Variants in GLIS3 observed in about 807,000 individuals in gnomAD.
The protein encoded by GLIS3 is GLIS family zinc finger 3.
GLIS3 carries 53 observed loss-of-function variants against 78.6 expected under a neutral mutation model. The observed-to-expected ratio is 0.67, with a 90% confidence interval of 0.54 to 0.85. The LOEUF is 0.85. GLIS3 is among the 40% of genes least tolerant of loss of function. The pLI, the probability that GLIS3 is intolerant of heterozygous loss-of-function variation, is 0.00. For synonymous variants in GLIS3, 684 were observed against 509.9 expected (o/e 1.34, Z -4.60); for missense variants, 1,703 against 1,231.1 (o/e 1.38, Z -5.74).
At chr9:4,084,256 A>ACACACACACACAC (rs1828812518) in intron 4 of GLIS3, among the ~76,000 whole-genome samples, 3 of 132,120 alleles carry the variant, frequency 2.3e-5, no homozygotes, top group Non-Finnish European at 4.9e-5. Flanking sequence ...TCCTCTCTCT[A>ACACACACACACAC]ACACACACAC....
chr9:4,359,661 G>T, the GLIS3 span, among the ~76,000 whole-genome samples: 1 of 152,130 alleles, frequency 6.6e-6, no homozygotes, highest in Non-Finnish European at 1.5e-5. Flanking sequence ...TTTAATTTTA[G>T]AACTAAAATG....
At chr9:4,142,303 G>A (rs1366432972) in intron 2 of GLIS3, among the ~76,000 whole-genome samples, 2 of 152,212 alleles carry the variant, frequency 1.3e-5, no homozygotes, top group Non-Finnish European at 2.9e-5. Flanking sequence ...CAAGTTGATA[G>A]CTTATTCCCT....
rs1478236143 is a variant in GLIS3 at position 3,856,087 on chromosome 9, G to T, written c.2395C>A (p.Gln799Lys). 30 of 1,614,080 alleles carry T rather than the reference G, an allele frequency of 1.9e-5. No homozygotes were observed. The highest frequency in any genetic ancestry group is 2.5e-5 in the Non-Finnish European group (30 of 1,180,026). The change falls in exon 9 of 11, where the codon CAG becomes AAG. Residue 799 changes from glutamine to lysine, a missense_variant. Coordinates refer to ENST00000381971, the MANE Select transcript of GLIS3 (RefSeq NM_001042413.2). Reference sequence around the variant, plus strand: ...GACTTCAGGTGTGAACCTGATGGCTGCTGGGTATAGGGAGGCTGTGTTCTT... The same window carrying T: ...GACTTCAGGTGTGAACCTGATGGCTTCTGGGTATAGGGAGGCTGTGTTCTT... ...LQRTQPPYTQ[Q>K]PSGSHLKSYQ...
At chr9:3,837,010 T>C (rs1205637490) in intron 9 of GLIS3, among the ~76,000 whole-genome samples, 5 of 152,196 alleles carry the variant, frequency 3.3e-5, no homozygotes, top group African/African-American at 1.2e-4. Context: ...GGAAAAGAAT[T>C]CACCCTATGC....
intron 4 of GLIS3, 81 bp from the exon 5 acceptor site, chr9:3,937,270 C>G (rs1415787023): frequency 9.8e-6 from 14 of 1,431,114 alleles, no homozygotes; most frequent in Admixed American, 1.8e-5. Flanking sequence ...AAAAAATGTT[C>G]TTAGTTGGTA....
At chr9:3,838,691 C>A (rs1374874598) in intron 9 of GLIS3, among the ~76,000 whole-genome samples, 1 of 152,014 alleles carries the variant, frequency 6.6e-6, no homozygotes, top group Non-Finnish European at 1.5e-5. Context: ...GTTATGAATT[C>A]CCCCAACCAA....
intron 8 of GLIS3, among the ~76,000 whole-genome samples, chr9:3,865,342 A>G (rs934106695): frequency 6.6e-5 from 10 of 152,318 alleles, no homozygotes; most frequent in East Asian, 5.8e-4. Context: ...AAAGGAAAAG[A>G]CCATGAAGAT....
At chr9:4,044,029 G>C (rs1378591468) in intron 4 of GLIS3, among the ~76,000 whole-genome samples, 1 of 152,302 alleles carries the variant, frequency 6.6e-6, no homozygotes, top group South Asian at 2.1e-4. Flanking sequence ...AGGGCCAAGA[G>C]GGCAGAGCAG....
intron 2 of GLIS3, among the ~76,000 whole-genome samples, chr9:4,245,441 G>A (rs939767385): frequency 2.0e-5 from 3 of 152,172 alleles, no homozygotes; most frequent in African/African-American, 7.2e-5. Context: ...TATAAAACAG[G>A]AACCATAACA....
intron 4 of GLIS3, among the ~76,000 whole-genome samples, chr9:3,937,897 A>T (rs534969206): frequency 1.3e-5 from 2 of 152,296 alleles, no homozygotes; most frequent in South Asian, 4.2e-4. Flanking sequence ...TACTTTTTAG[A>T]CATTTCATTA....
rs547799949 is a variant in GLIS3, at chr9:4,118,557, C to T, written c.921G>A (p.Pro307=). 8.1e-6 allele frequency: 13 copies of T among 1,614,214 alleles called. No individual in the cohort carries two copies. The South Asian group carries it at 9.9e-5, about 12-fold the overall frequency. Reference sequence around the variant, plus strand: ...AATCTATCCCGATGCCATCGGACAGCGGGGACAAGGACAGCGCTCTCTTCT... The same window carrying T: ...AATCTATCCCGATGCCATCGGACAGTGGGGACAAGGACAGCGCTCTCTTCT... ...RSKKRALSLS[P]LSDGIGIDFN... is the part of the protein sequence containing the mutation. The change falls in exon 4 of 11, where the codon CCG becomes CCA. Residue 307 remains proline, a synonymous_variant. Transcript: ENST00000381971. The surrounding 1 kb of genome is among the most constrained non-coding windows in gnomAD (Gnocchi z 4.7).
intron 1 of GLIS3, among the ~76,000 whole-genome samples, chr9:4,288,693 T>C (rs926319700): frequency 6.6e-6 from 1 of 151,570 alleles, no homozygotes; most frequent in Admixed American, 6.6e-5. Flanking sequence ...TTTATTTTAT[T>C]TTTTTTATAA....
chr9:4,118,258 A>C lies in GLIS3; in HGVS notation c.1220T>G (p.Leu407Arg), dbSNP rs1353881312. The C allele has an allele frequency of 6.3e-7, 1 of 1,589,862 alleles. No homozygotes were observed. The highest frequency in any genetic ancestry group is 1.7e-5 in the Admixed American group (1 of 57,202). The change falls in exon 4 of 11, where the codon CTG becomes CGG. Residue 407 changes from leucine to arginine, a missense_variant. Coordinates refer to ENST00000381971, the MANE Select transcript of GLIS3 (RefSeq NM_001042413.2). This position sits in a 1 kb window ranked among gnomAD's most constrained non-coding sequence, Gnocchi z 4.7. The part of the protein sequence containing the change: ...QLEHGGLQPG[L>R]VNHMVVQHGL... ...ATGCTGCACCACCATGTGGTTGACC[A>C]GGCCTGGCTGCAGGCCGCCGTGCTC...
chr9:4,229,895 A>C (rs1233261662), intron 2 of GLIS3, among the ~76,000 whole-genome samples: 2 of 152,242 alleles, frequency 1.3e-5, no homozygotes, highest in African/African-American at 4.8e-5. Context: ...GCTTGGAATA[A>C]CACTGATATT....
chr9:4,242,295 G>A (rs972556146), intron 2 of GLIS3, among the ~76,000 whole-genome samples: 4 of 152,078 alleles, frequency 2.6e-5, no homozygotes, highest in Non-Finnish European at 5.9e-5. Context: ...CAGGAAGTGG[G>A]GGAAAAAAAC....
intron 4 of GLIS3, among the ~76,000 whole-genome samples, chr9:3,958,456 T>C (rs1363912522): frequency 6.6e-6 from 1 of 152,124 alleles, no homozygotes. Flanking sequence ...GTAATGCTAG[T>C]TGGGGTTGGA....
chr9:4,295,921 G>A (rs1017699161), intron 1 of GLIS3, among the ~76,000 whole-genome samples: 3 of 152,088 alleles, frequency 2.0e-5, no homozygotes, highest in African/African-American at 7.2e-5. Flanking sequence ...GAATGAGAAT[G>A]GCAACAAGTT....
chr9:4,311,797 G>A (rs1219349570), intron 2 of GLIS3, among the ~76,000 whole-genome samples: 1 of 152,224 alleles, frequency 6.6e-6, no homozygotes, highest in Non-Finnish European at 1.5e-5. Flanking sequence ...ACAGGAGCAG[G>A]GAAAGTGGTT....
At chr9:3,910,947 T>G (rs1824099996) in intron 6 of GLIS3, among the ~76,000 whole-genome samples, 1 of 152,198 alleles carries the variant, frequency 6.6e-6, no homozygotes. Flanking sequence ...GGCCTACATG[T>G]AAATGACATC....
Sources: gnomAD v4.1 joint callset for allele counts (sites outside exome capture counted in the v4.1 genomes callset) on GRCh38, gnomAD v4.1.1 for gene constraint, Gnocchi (gnomAD v3.1) non-coding constraint, MANE v1.5 for transcripts, NCBI Gene and HGNC (gene_info 2026-07-23, HGNC 2026-07-21) for gene names.